The following GSTA3 variants were observed in gnomAD, a reference collection of about 807,000 sequenced individuals.
GSTA3 encodes the protein glutathione S-transferase alpha 3.
A neutral mutation model predicts 23.1 loss-of-function variants in GSTA3; 16 were observed. That is an observed-to-expected ratio of 0.69 (90% confidence interval 0.47 to 1.05). The LOEUF (loss-of-function observed/expected upper bound fraction) is 1.05. GSTA3 is among the 50% of genes least tolerant of loss of function. The pLI, the probability that GSTA3 is intolerant of heterozygous loss-of-function variation, is 0.00. For synonymous variants in GSTA3, 122 were observed against 91.0 expected (o/e 1.34, Z -1.94); for missense variants, 319 against 263.6 (o/e 1.21, Z -1.46).
chr6:52,898,428 G>A (rs960069361), intron 5 of GSTA3, among the ~76,000 whole-genome samples: 2 of 152,102 alleles, frequency 1.3e-5, no homozygotes, highest in African/African-American at 4.8e-5. Flanking sequence ...ATGTTCCATA[G>A]ACTCAACAGC....
rs1765518830 is a variant in GSTA3 at position 52,897,956 on chromosome 6, C to G, written c.415G>C (p.Val139Leu). The change falls in exon 6 of 7, where the codon GTG (valine) becomes CTG (leucine). Residue 139 changes from valine (V) to leucine (L), a missense_variant and splice_region_variant. Coordinates refer to ENST00000211122, the MANE Select transcript of GSTA3 (RefSeq NM_000847.5). ...KSRYFPAFEK[V>L]LQSHGQDYLV... ...TAGTCTTGTCCATGGCTCTGTAACA[C>G]CTGGAGAATTTGAGGAATCAGATCA... 1.2e-6 allele frequency: 2 copies of G among 1,613,954 alleles called. No homozygotes were observed. The highest frequency in any genetic ancestry group is 1.7e-6 in the Non-Finnish European group (2 of 1,179,894).
At chr6:52,908,769 G>C (rs1765976830) in intron 1 of GSTA3, among the ~76,000 whole-genome samples, 1 of 152,158 alleles carries the variant, frequency 6.6e-6, no homozygotes, top group Admixed American at 6.5e-5. Flanking sequence ...TGCATGTTCT[G>C]TTGGACAGGG....
intron 2 of GSTA3, among the ~76,000 whole-genome samples, chr6:52,904,012 A>C (rs1218751302): frequency 6.6e-6 from 1 of 151,894 alleles, no homozygotes; most frequent in Non-Finnish European, 1.5e-5. Flanking sequence ...TTTGAGACAG[A>C]GTCTCACTTT....
Position 52,898,401 on chromosome 6 carries a change from A to G in GSTA3, c.415-445T>C, listed in dbSNP as rs45514792. Among the ~76,000 whole-genome samples the G allele has an allele frequency of 7.6e-3, 1,153 of 152,174 alleles. 15 individuals are homozygous for G. The highest frequency in any genetic ancestry group is 0.026 in the African/African-American group (1,095 of 41,508). On this transcript the variant is annotated intron_variant, in intron 5 of 6. Transcript: ENST00000211122. ...TTCCTCCAGGAGTAGACTATTTCAG[A>G]GTCTTCATTTCTCCATATGTTCCAT...
In GSTA3 at chr6:52,899,984, CA is replaced by C. The variant is rs1467920446; in HGVS notation, c.363del (p.Ile121MetfsTer3). ...LCRPEEKDAK[I>X]ALIKEKTKSR... Reference sequence around the variant, plus strand: ...CTTTTTGTTTTCTCTTTGATCAAGGCAATCTTGGCATCTTTTTCCTCAGGTC... The same window carrying C: ...CTTTTTGTTTTCTCTTTGATCAAGGCATCTTGGCATCTTTTTCCTCAGGTC... On this transcript the variant is annotated frameshift_variant, in exon 5 of 7. Transcript: ENST00000211122. LOFTEE classifies it high-confidence loss of function. 1 of 1,613,838 alleles carries C rather than the reference CA, an allele frequency of 6.2e-7. No homozygotes were observed. The highest frequency in any genetic ancestry group is 8.5e-7 in the Non-Finnish European group (1 of 1,179,930).
chr6:52,906,069 C>T (rs1765881394), intron 1 of GSTA3, among the ~76,000 whole-genome samples: 1 of 152,132 alleles, frequency 6.6e-6, no homozygotes, highest in African/African-American at 2.4e-5. Context: ...TGTGTAAGAC[C>T]TTTGTTTTCA....
At position 52,903,868 on chromosome 6, in the gene GSTA3, G is replaced by A. The variant is rs9474340; in HGVS notation, c.88-141C>T. On this transcript the variant is annotated intron_variant, in intron 2 of 6. Transcript: ENST00000211122. ...TTGGCAGGGGACACAGAAGAAGCTG[G>A]TCATGGCCGCTTGGAAATTTAGATT... 0.013 allele frequency: 7,859 copies of A among 611,042 alleles called. 453 individuals are homozygous for A. In the African/African-American group the frequency reaches 0.13, roughly 10 times the overall value. The allele number at this position is 611,042 out of a possible 1,614,324, so 37.9% of individuals were successfully genotyped here. A position where few individuals can be genotyped will look rare whatever the true frequency, so the allele number is the denominator to read the frequency against.
At chr6:52,899,891 C>A (rs1434860235) in intron 5 of GSTA3, 43 bp downstream of exon 5, 2 of 1,603,364 alleles carry the variant, frequency 1.2e-6, no homozygotes, top group South Asian at 2.2e-5. Flanking sequence ...TTTCTACTGG[C>A]CTCTAAACTC....
chr6:52,906,461 T>G (rs1765892564), intron 1 of GSTA3, among the ~76,000 whole-genome samples: 1 of 152,208 alleles, frequency 6.6e-6, no homozygotes, highest in Admixed American at 6.5e-5. Flanking sequence ...TGGAAAAAAC[T>G]TCTTTAAAGT....
intron 5 of GSTA3, 26 bp downstream of exon 5, chr6:52,899,908 C>T (rs1399441708): frequency 6.2e-7 from 1 of 1,612,816 alleles, no homozygotes. Context: ...ACTCAGTGCC[C>T]CAAAATGCTG....
In GSTA3 at chr6:52,903,663, G is replaced by C. The variant is rs1765778418; in HGVS notation, c.139+13C>G. Reference sequence around the variant, plus strand: ...GATACCCTCATCAGAGGCACTTAGAGACTTGATCTTACCATTTCTTAACTT... The same window carrying C: ...GATACCCTCATCAGAGGCACTTAGACACTTGATCTTACCATTTCTTAACTT... On this transcript the variant is annotated intron_variant, in intron 3 of 6. Transcript: ENST00000211122. 6.9e-7 allele frequency: 1 copy of C among 1,451,268 alleles called. No individual in the cohort carries two copies. Among genetic ancestry groups the C allele is most frequent in the Non-Finnish European group, 9.7e-7 (1 of 1,033,250 alleles). The allele number at this position is 1,451,268 out of a possible 1,614,324, so 89.9% of individuals were successfully genotyped here. A position where few individuals can be genotyped will look rare whatever the true frequency, so the allele number is the denominator to read the frequency against.
At chr6:52,900,961 C>A (rs1460629483) in intron 4 of GSTA3, among the ~76,000 whole-genome samples, 1 of 152,168 alleles carries the variant, frequency 6.6e-6, no homozygotes, top group South Asian at 2.1e-4. Flanking sequence ...TGCTATTGCC[C>A]AACTCTAGCC....
chr6:52,896,772 G>T lies in GSTA3; in HGVS notation c.*34C>A. 1 of 1,611,924 alleles carries T rather than the reference G, an allele frequency of 6.2e-7. No homozygotes were observed. Among genetic ancestry groups the T allele is most frequent in the Non-Finnish European group, 8.5e-7 (1 of 1,178,900 alleles). ...ATTGTTGCAAAACTTTAGAATATTG[G>T]TCTTGCATGTTCTTAGCCTCCATGG... On this transcript the variant is annotated 3_prime_UTR_variant, in exon 7 of 7. Transcript: ENST00000211122.
chr6:52,905,640 G>T, intron 2 of GSTA3, 108 bp downstream of exon 2: 2 of 590,318 alleles, frequency 3.4e-6, no homozygotes, highest in Non-Finnish European at 3.0e-6. Context: ...GCTTTTATTT[G>T]AGGCCAAAAT....
chr6:52,909,572 T>C (rs530646260), intron 1 of GSTA3, 69 bp downstream of exon 1: 18 of 152,278 alleles, frequency 1.2e-4, no homozygotes, highest in African/African-American at 3.8e-4. Context: ...AACTAACACA[T>C]TTAAATTTGT....
intron 1 of GSTA3, among the ~76,000 whole-genome samples, 157 bp downstream of exon 1, chr6:52,909,484 C>T (rs1765997282): frequency 6.6e-6 from 1 of 152,128 alleles, no homozygotes; most frequent in South Asian, 2.1e-4. Flanking sequence ...CCGACCTGTC[C>T]TTCAGGAACT....
intron 1 of GSTA3, among the ~76,000 whole-genome samples, chr6:52,908,224 T>C (rs890612709): frequency 1.2e-4 from 18 of 150,498 alleles, no homozygotes; most frequent in Non-Finnish European, 1.8e-4. Context: ...CATAGAGTAA[T>C]TAAAAAACAA....
chr6:52,905,990 C>A (rs971076190), intron 1 of GSTA3, 135 bp from the exon 2 acceptor site: 2 of 491,374 alleles, frequency 4.1e-6, no homozygotes, highest in Non-Finnish European at 3.6e-6. Context: ...CCTCTGAATT[C>A]TGTTTGCACT....
intron 5 of GSTA3, among the ~76,000 whole-genome samples, chr6:52,899,720 A>G (rs745489136): frequency 1.3e-5 from 2 of 152,226 alleles, no homozygotes; most frequent in Non-Finnish European, 2.9e-5. Flanking sequence ...GGTCTAGTAA[A>G]TTGAAATTTT....
Sources: gnomAD v4.1 joint callset for allele counts (sites outside exome capture counted in the v4.1 genomes callset) on GRCh38, gnomAD v4.1.1 for gene constraint, MANE v1.5 for transcripts, NCBI Gene and HGNC (gene_info 2026-07-23, HGNC 2026-07-21) for gene names.